The following ARL15 variants were observed in gnomAD, a reference collection of about 807,000 sequenced individuals.
ARL15 encodes ARF like GTPase 15.
ARL15 carries 19 observed loss-of-function variants against 25.2 expected under a neutral mutation model. The observed-to-expected ratio is 0.75, with a 90% CI of 0.53 to 1.10. ARL15 has a LOEUF of 1.10. Ranked by LOEUF, ARL15 falls within the 50% of genes least tolerant of loss-of-function variation. ARL15 has a pLI of 0.00. For synonymous variants in ARL15, 94 were observed against 86.8 expected (o/e 1.08, Z -0.46); for missense variants, 220 against 246.0 (o/e 0.89, Z 0.71).
intron 4 of ARL15, among the ~76,000 whole-genome samples, chr5:54,092,074 C>CACACACACACACT (rs1561220828): frequency 9.4e-5 from 9 of 95,970 alleles, no homozygotes; most frequent in African/African-American, 3.0e-4. Flanking sequence ...ACACACACAC[C>CACACACACACACT]ACCACCACCA....
At chr5:54,285,966 C>T (rs911962554) in intron 1 of ARL15, among the ~76,000 whole-genome samples, 1 of 152,128 alleles carries the variant, frequency 6.6e-6, no homozygotes, top group African/African-American at 2.4e-5. Flanking sequence ...AGTCACTCCT[C>T]CAGAGTGGAA....
chr5:54,202,957 C>T (rs1755763209), intron 1 of ARL15, among the ~76,000 whole-genome samples: 1 of 152,120 alleles, frequency 6.6e-6, no homozygotes. Flanking sequence ...AGGGAAGCAC[C>T]ATTTTTCCAT....
intron 2 of ARL15, among the ~76,000 whole-genome samples, chr5:54,161,113 T>C (rs995895752): frequency 1.3e-5 from 2 of 152,132 alleles, no homozygotes; most frequent in African/African-American, 4.8e-5. Flanking sequence ...TAGAAGACTG[T>C]ATATATTCTT....
At chr5:54,095,892 A>C (rs1290329671) in intron 4 of ARL15, among the ~76,000 whole-genome samples, 1 of 152,216 alleles carries the variant, frequency 6.6e-6, no homozygotes, top group Non-Finnish European at 1.5e-5. Context: ...ATTACATTTT[A>C]AAAATCAAAT....
At chr5:54,246,788 A>C (rs1757094853) in intron 1 of ARL15, among the ~76,000 whole-genome samples, 1 of 129,084 alleles carries the variant, frequency 7.7e-6, no homozygotes, top group South Asian at 2.7e-4. Flanking sequence ...TTTATATACA[A>C]AGCATGCATA....
intron 4 of ARL15, among the ~76,000 whole-genome samples, chr5:54,006,125 C>T (rs1479582486): frequency 6.6e-6 from 1 of 151,540 alleles, no homozygotes; most frequent in African/African-American, 2.4e-5. Context: ...ACTGGCAAAC[C>T]CCTTTAAATT....
chr5:54,161,622 T>C (rs1181850740), intron 2 of ARL15, among the ~76,000 whole-genome samples: 1 of 152,226 alleles, frequency 6.6e-6, no homozygotes, highest in East Asian at 1.9e-4. Flanking sequence ...TTTATAGACT[T>C]GGCACAGTTT....
chr5:54,000,010 A>C (rs1748802135), intron 4 of ARL15, among the ~76,000 whole-genome samples: 1 of 152,214 alleles, frequency 6.6e-6, no homozygotes, highest in South Asian at 2.1e-4. Context: ...GCAGCTAGTT[A>C]ATAAAAGGCT....
chr5:54,162,099 A>T (rs922227598), intron 2 of ARL15, among the ~76,000 whole-genome samples: 3 of 152,040 alleles, frequency 2.0e-5, no homozygotes, highest in Non-Finnish European at 4.4e-5. Context: ...GATGTCAGCA[A>T]TGCCTACCTC....
At chr5:54,050,405 C>T (rs915453847) in intron 4 of ARL15, among the ~76,000 whole-genome samples, 1 of 152,178 alleles carries the variant, frequency 6.6e-6, no homozygotes, top group Non-Finnish European at 1.5e-5. Context: ...GAATACTGTG[C>T]TGTCTTTTAA....
intron 4 of ARL15, among the ~76,000 whole-genome samples, chr5:53,917,563 A>G (rs944945176): frequency 8.5e-5 from 13 of 152,098 alleles, no homozygotes; most frequent in Non-Finnish European, 1.8e-4. Context: ...TAAGAAAACA[A>G]CCCCACCTCC....
At chr5:54,196,327 T>C (rs17320236) in intron 1 of ARL15, among the ~76,000 whole-genome samples, 31,108 of 152,010 alleles carry the variant, frequency 0.2, 3,639 homozygotes, top group Admixed American at 0.31. Flanking sequence ...TATTTAGAAG[T>C]TGAACACTCA....
intron 1 of ARL15, among the ~76,000 whole-genome samples, chr5:54,256,074 A>G (rs996214462): frequency 2.6e-5 from 4 of 152,116 alleles, no homozygotes; most frequent in Non-Finnish European, 5.9e-5. Flanking sequence ...AACAAAGATC[A>G]GAACAGAACT....
At chr5:54,170,952 C>T (rs752328773) in intron 2 of ARL15, among the ~76,000 whole-genome samples, 4 of 152,190 alleles carry the variant, frequency 2.6e-5, no homozygotes, top group Non-Finnish European at 5.9e-5. Flanking sequence ...CTTCTCAGCT[C>T]TCTCTGCACA....
At chr5:54,211,718 C>T (rs913807941) in intron 1 of ARL15, among the ~76,000 whole-genome samples, 13 of 151,946 alleles carry the variant, frequency 8.6e-5, no homozygotes, top group African/African-American at 2.4e-4. Context: ...GTGATCCGAC[C>T]GCCTCAGTCT....
chr5:53,972,090 T>C (rs371877911), intron 4 of ARL15, among the ~76,000 whole-genome samples: 19 of 152,312 alleles, frequency 1.2e-4, no homozygotes, highest in African/African-American at 4.1e-4. Context: ...TATATGGGGT[T>C]CATTATACTA....
At chr5:53,887,736 C>T in intron 4 of ARL15, among the ~76,000 whole-genome samples, 1 of 152,138 alleles carries the variant, frequency 6.6e-6, no homozygotes, top group East Asian at 1.9e-4. Context: ...TCTTGGTTAA[C>T]AAATTTCGTT....
intron 4 of ARL15, among the ~76,000 whole-genome samples, chr5:54,039,974 G>T (rs1162107101): frequency 2.6e-5 from 4 of 152,078 alleles, no homozygotes; most frequent in African/African-American, 9.7e-5. Flanking sequence ...AAAATTGTAT[G>T]GTTGAAACTG....
chr5:54,110,922 C>G (rs891718257), intron 4 of ARL15, among the ~76,000 whole-genome samples: 10 of 151,872 alleles, frequency 6.6e-5, no homozygotes, highest in African/African-American at 2.4e-4. Context: ...TTCAACAAGG[C>G]ATTTTAATAC....
Sources: gnomAD v4.1 joint callset for allele counts (sites outside exome capture counted in the v4.1 genomes callset) on GRCh38, gnomAD v4.1.1 for gene constraint, MANE v1.5 for transcripts, NCBI Gene and HGNC (gene_info 2026-07-23, HGNC 2026-07-21) for gene names.